Variants in ABCC4 observed in about 807,000 individuals in gnomAD.
ABCC4 encodes the protein ATP binding cassette subfamily C member 4 (PEL blood group), also known as ATP-binding cassette sub-family C member 4.
A neutral mutation model predicts 168.5 loss-of-function variants in ABCC4; 102 were observed. That is an observed-to-expected ratio of 0.61 (90% confidence interval 0.52 to 0.71). ABCC4 has a LOEUF of 0.71. Ranked by LOEUF, ABCC4 falls within the 30% of genes least tolerant of loss-of-function variation. The pLI is 0.00. For missense variants in ABCC4, 1,402 were observed against 1,605.8 expected, an observed-to-expected ratio of 0.87 and a Z score of 2.17; for synonymous variants, 617 against 590.7, an observed-to-expected ratio of 1.04 and a Z score of -0.65.
intron 19 of ABCC4, among the ~76,000 whole-genome samples, chr13:95,137,223 TG>T (rs548078790): frequency 1.4e-3 from 209 of 152,338 alleles, no homozygotes; most frequent in Non-Finnish European, 7.2e-4. Context: ...GCCAGATCAC[TG>T]GTCTTTAAAA....
At chr13:95,284,857 G>A (rs1361567328) in intron 1 of ABCC4, among the ~76,000 whole-genome samples, 1 of 152,104 alleles carries the variant, frequency 6.6e-6, no homozygotes, top group Admixed American at 6.6e-5. Context: ...CACCCCAAAG[G>A]TTTGTTATTA....
At position 95,232,148 on chromosome 13, in the gene ABCC4, G is replaced by A. The variant is rs879354706; in HGVS notation, c.531+2462C>T. 6.6e-4 allele frequency among the ~76,000 whole-genome samples: 100 copies of A among 151,908 alleles called. 1 individual carries two copies. Among genetic ancestry groups the A allele is most frequent in the Non-Finnish European group, 1.2e-3 (82 of 67,988 alleles). On this transcript the variant is annotated intron_variant, in intron 4 of 30. Coordinates refer to ENST00000645237, the MANE Select transcript of ABCC4 (RefSeq NM_005845.5). The stretch of plus-strand genomic sequence containing the variant: ...TGATGATGGTGGTGGTGGTGGTGGT[G>A]GTGGTGGTGATGATGATGAAGACCC...
chr13:95,117,001 G>A (rs1022384239), intron 19 of ABCC4, among the ~76,000 whole-genome samples: 1 of 152,204 alleles, frequency 6.6e-6, no homozygotes, highest in Non-Finnish European at 1.5e-5. Context: ...GTCAGAGGCT[G>A]TAGACGGAGC....
At chr13:95,203,181 T>C (rs962043719) in intron 8 of ABCC4, among the ~76,000 whole-genome samples, 14 of 152,180 alleles carry the variant, frequency 9.2e-5, no homozygotes, top group Non-Finnish European at 1.9e-4. Flanking sequence ...TACCTGTTCA[T>C]ATAAAGCCCC....
At chr13:95,096,134 C>T in intron 20 of ABCC4, 1 of 635,424 alleles carries the variant, frequency 1.6e-6, no homozygotes, top group Non-Finnish European at 2.8e-6. Context: ...ATTGCTTGAG[C>T]CTAGGAGTTT....
intron 21 of ABCC4, among the ~76,000 whole-genome samples, chr13:95,077,882 G>A (rs1566397672): frequency 6.6e-6 from 1 of 152,068 alleles, no homozygotes; most frequent in Non-Finnish European, 1.5e-5. Context: ...AGACATGGAG[G>A]TTCCACATAT....
chr13:95,024,206 CAAA>C (rs71207428), intron 30 of ABCC4, among the ~76,000 whole-genome samples: 3 of 43,938 alleles, frequency 6.8e-5, no homozygotes, highest in African/African-American at 1.4e-4. Context: ...GAGACTGTCT[CAAA>C]AAAAAAAAAA....
intron 11 of ABCC4, among the ~76,000 whole-genome samples, chr13:95,183,363 G>C (rs1424068314): frequency 1.3e-5 from 2 of 152,088 alleles, no homozygotes; most frequent in African/African-American, 4.8e-5. Context: ...GTACCTACAA[G>C]CCAGAATAAT....
At position 95,040,354 on chromosome 13, in the gene ABCC4, C is replaced by T. The variant is rs1477726663; in HGVS notation, c.3735+3328G>A. On this transcript the variant is annotated intron_variant, in intron 29 of 30. Coordinates refer to ENST00000645237, the MANE Select transcript of ABCC4 (RefSeq NM_005845.5). Reference sequence around the variant, plus strand: ...TCAAAAGCGTCTCCTGCCTCAGCCTCCCGAGTAGCTGGGATTACAGGCACA... The same window carrying T: ...TCAAAAGCGTCTCCTGCCTCAGCCTTCCGAGTAGCTGGGATTACAGGCACA... Among the ~76,000 whole-genome samples, 4 of 152,320 alleles carry T rather than the reference C, an allele frequency of 2.6e-5. No homozygotes were observed. In the East Asian group the frequency reaches 5.8e-4, roughly 22 times the overall value.
intron 27 of ABCC4, among the ~76,000 whole-genome samples, chr13:95,046,440 C>A (rs987201863): frequency 6.6e-6 from 1 of 152,090 alleles, no homozygotes; most frequent in Non-Finnish European, 1.5e-5. Context: ...ACTCTGTCAT[C>A]ATGATTGAAT....
At position 95,290,154 on chromosome 13, in the gene ABCC4, G is replaced by C. The variant is rs552607705; in HGVS notation, c.74+11087C>G. On this transcript the variant is annotated intron_variant, in intron 1 of 30. Transcript: ENST00000645237. ...TAGATAGATAGATAGATAGATGATAGATAGATAGATGCGTGGATCCCACCC... is the reference window on the plus strand; with the variant it reads ...TAGATAGATAGATAGATAGATGATACATAGATAGATGCGTGGATCCCACCC... 4.0e-5 allele frequency among the ~76,000 whole-genome samples: 6 copies of C among 151,400 alleles called. No homozygotes were observed. The East Asian group carries it at 7.8e-4, about 20-fold the overall frequency.
intron 8 of ABCC4, among the ~76,000 whole-genome samples, chr13:95,199,195 G>A (rs2038551387): frequency 2.0e-5 from 3 of 152,138 alleles, no homozygotes; most frequent in African/African-American, 4.8e-5. Flanking sequence ...AACTCTATGT[G>A]TCTGCCAAGC....
chr13:95,251,718 G>T (rs1213338258), intron 1 of ABCC4, among the ~76,000 whole-genome samples: 1 of 152,198 alleles, frequency 6.6e-6, no homozygotes, highest in East Asian at 1.9e-4. Flanking sequence ...GAGCTAAGCT[G>T]AGAGTTTAGA....
chr13:95,216,440 A>T (rs762531646), intron 4 of ABCC4, among the ~76,000 whole-genome samples: 1 of 152,282 alleles, frequency 6.6e-6, no homozygotes, highest in East Asian at 1.9e-4. Flanking sequence ...TAGTTCTACC[A>T]TGAGAACAAA....
Position 95,139,372 on chromosome 13 carries a change from C to A in ABCC4, c.2455+21817G>T, listed in dbSNP as rs72642402. 3.9e-5 allele frequency among the ~76,000 whole-genome samples: 6 copies of A among 152,118 alleles called. No individual in the cohort carries two copies. In the South Asian group the frequency reaches 1.2e-3, roughly 31 times the overall value. ...TCAAAGGTGGGAAAATAAATAAATA[C>A]CCAGTGGTCAAATTCAAAACAAGAA... On this transcript the variant is annotated intron_variant, in intron 19 of 30. Transcript: ENST00000645237.
intron 1 of ABCC4, among the ~76,000 whole-genome samples, chr13:95,253,167 C>T (rs971483988): frequency 9.2e-5 from 14 of 152,170 alleles, no homozygotes; most frequent in African/African-American, 2.2e-4. Flanking sequence ...ACCATGACTG[C>T]CCCGGGCTTT....
chr13:95,159,096 TA>T (rs2036986302), intron 19 of ABCC4, among the ~76,000 whole-genome samples: 2 of 52,052 alleles, frequency 3.8e-5, no homozygotes, highest in African/African-American at 2.0e-4. Flanking sequence ...ATAAATTTTA[TA>T]TATATATATA....
intron 25 of ABCC4, among the ~76,000 whole-genome samples, chr13:95,064,293 T>C (rs1160008724): frequency 1.1e-4 from 11 of 104,228 alleles, no homozygotes; most frequent in Non-Finnish European, 2.2e-4. Context: ...TATATATATA[T>C]ATATACACAC....
chr13:95,117,711 C>T (rs1266651682), intron 19 of ABCC4, among the ~76,000 whole-genome samples: 1 of 150,266 alleles, frequency 6.7e-6, no homozygotes, highest in East Asian at 1.9e-4. Flanking sequence ...GAAAAGTTAA[C>T]ATAGGCAATA....
Sources: gnomAD v4.1 joint callset for allele counts (sites outside exome capture counted in the v4.1 genomes callset) on GRCh38, gnomAD v4.1.1 for gene constraint, MANE v1.5 for transcripts, NCBI Gene and HGNC (gene_info 2026-07-23, HGNC 2026-07-21) for gene names.